RASGEF1C: variants seen among roughly 807,000 people sequenced by gnomAD.
RASGEF1C encodes ras-GEF domain-containing family member 1C.
Under a neutral mutation model 58.1 loss-of-function variants are expected in RASGEF1C, and 27 were observed. The ratio of observed to expected loss-of-function variants is 0.46; its 90% CI spans 0.34 to 0.64. RASGEF1C has a LOEUF of 0.64. Ranked by LOEUF, RASGEF1C falls within the 30% of genes least tolerant of loss-of-function variation. The pLI is 0.01. For missense variants in RASGEF1C, 502 were observed against 605.1 expected, an observed-to-expected ratio of 0.83 and a Z score of 1.79; for synonymous variants, 243 against 246.3, an observed-to-expected ratio of 0.99 and a Z score of 0.13.
chr5:180,131,673 C>T (rs1441203194), intron 4 of RASGEF1C, among the ~76,000 whole-genome samples: 1 of 152,196 alleles, frequency 6.6e-6, no homozygotes, highest in African/African-American at 2.4e-5. Flanking sequence ...GGATAAACAC[C>T]GCCTTCACCT....
At chr5:180,186,567 G>A (rs943224206) in intron 1 of RASGEF1C, among the ~76,000 whole-genome samples, 6 of 152,168 alleles carry the variant, frequency 3.9e-5, no homozygotes, top group African/African-American at 1.4e-4. Context: ...TGTGTTCATG[G>A]GTTCTAAGAT....
In RASGEF1C at chr5:180,203,523, C is replaced by T. The variant is rs116310262; in HGVS notation, c.-7+5505G>A. ...AACCACATGAGTGGAGAAGCAAATC[C>T]TTCCCTAGCTGAGTCTCTACATGAG... On this transcript the variant is annotated intron_variant, in intron 1 of 13. Transcript: ENST00000361132. Among the ~76,000 whole-genome samples, 578 of 152,332 alleles carry T rather than the reference C, an allele frequency of 3.8e-3. 2 individuals are homozygous for T. Among genetic ancestry groups the T allele is most frequent in the East Asian group, 9.1e-3 (47 of 5,186 alleles).
intron 1 of RASGEF1C, among the ~76,000 whole-genome samples, chr5:180,141,820 G>A (rs1025076951): frequency 1.5e-4 from 22 of 149,158 alleles, no homozygotes; most frequent in African/African-American, 5.2e-4. Context: ...AGGGATTCTC[G>A]TGCCTCAGCC....
intron 7 of RASGEF1C, among the ~76,000 whole-genome samples, chr5:180,119,858 G>A (rs957819529): frequency 2.6e-5 from 4 of 152,168 alleles, no homozygotes; most frequent in Non-Finnish European, 4.4e-5. Context: ...CCTGTCCCTC[G>A]AGCAGCCCCT....
At chr5:180,190,485 G>A (rs1166992117) in intron 1 of RASGEF1C, among the ~76,000 whole-genome samples, 8 of 59,518 alleles carry the variant, frequency 1.3e-4, no homozygotes, top group Middle Eastern at 0.011. Flanking sequence ...GTGAGACTCC[G>A]TCTCAAAAAA....
At chr5:180,111,639 G>T (rs541492315) in intron 11 of RASGEF1C, 59 bp from the exon 12 acceptor site, 68 of 1,601,326 alleles carry the variant, frequency 4.2e-5, no homozygotes, top group Middle Eastern at 1.7e-4. Context: ...GTCCCCATGA[G>T]GGGGAGGGGC....
At position 180,137,478 on chromosome 5, in the gene RASGEF1C, C is replaced by T; in HGVS notation, c.300+112G>A. 6.9e-7 allele frequency: 1 copy of T among 1,454,484 alleles called. No homozygotes were observed. Among genetic ancestry groups the T allele is most frequent in the Non-Finnish European group, 9.3e-7 (1 of 1,072,760 alleles). The allele number at this position is 1,454,484 out of a possible 1,614,324, so 90.1% of individuals were successfully genotyped here. Reference sequence around the variant, plus strand: ...CAAGGTGGAAACACCCGGTAGCCACCTTGTCAGGAAAACGGGGACAATCAT... The same window carrying T: ...CAAGGTGGAAACACCCGGTAGCCACTTTGTCAGGAAAACGGGGACAATCAT... On this transcript the variant is annotated intron_variant, in intron 3 of 13. Coordinates refer to ENST00000361132, the MANE Select transcript of RASGEF1C (RefSeq NM_175062.4). The surrounding 1 kb of genome is among the most constrained non-coding windows in gnomAD (Gnocchi z 4.1).
intron 1 of RASGEF1C, among the ~76,000 whole-genome samples, chr5:180,165,916 A>C (rs1445235673): frequency 6.6e-6 from 1 of 150,800 alleles, no homozygotes; most frequent in African/African-American, 2.4e-5. Flanking sequence ...CACCCGGCTC[A>C]TTTTTTGTAT....
rs555324991 is a variant in RASGEF1C, at chr5:180,166,041, G to A, written c.-6-27983C>T. On this transcript the variant is annotated intron_variant, in intron 1 of 13. Coordinates refer to ENST00000361132, the MANE Select transcript of RASGEF1C (RefSeq NM_175062.4). The stretch of plus-strand genomic sequence containing the variant: ...TGGGATTACAGGCGTGAGCCACCAC[G>A]CCCGGCCTAATTTTTTCATTTTTTG... Among the ~76,000 whole-genome samples, 6 of 152,046 alleles carry A rather than the reference G, an allele frequency of 3.9e-5. No homozygotes were observed. In the South Asian group the frequency reaches 1.0e-3, roughly 26 times the overall value.
chr5:180,111,763 G>A (rs1205081838), intron 11 of RASGEF1C, among the ~76,000 whole-genome samples, 183 bp from the exon 12 acceptor site: 4 of 152,138 alleles, frequency 2.6e-5, no homozygotes, highest in Non-Finnish European at 5.9e-5. Flanking sequence ...TGGAGCAAGA[G>A]TGGGCCTGGT....
At chr5:180,170,467 G>A (rs1175728770) in intron 1 of RASGEF1C, among the ~76,000 whole-genome samples, 1 of 152,192 alleles carries the variant, frequency 6.6e-6, no homozygotes, top group African/African-American at 2.4e-5. Flanking sequence ...AAGTTGTAGC[G>A]TCTCATTCAA....
chr5:180,117,541 C>A (rs1286718982), intron 10 of RASGEF1C, among the ~76,000 whole-genome samples: 6 of 152,202 alleles, frequency 3.9e-5, no homozygotes, highest in Admixed American at 6.5e-5. Flanking sequence ...TAGAGATGAA[C>A]AACTCTAATC....
At chr5:180,185,725 A>T (rs1756024046) in intron 1 of RASGEF1C, among the ~76,000 whole-genome samples, 1 of 152,224 alleles carries the variant, frequency 6.6e-6, no homozygotes, top group Non-Finnish European at 1.5e-5. Context: ...ACAAACTACC[A>T]AATCTCACAA....
At chr5:180,175,952 C>T (rs1458808335) in intron 1 of RASGEF1C, among the ~76,000 whole-genome samples, 2 of 152,232 alleles carry the variant, frequency 1.3e-5, no homozygotes, top group African/African-American at 4.8e-5. Flanking sequence ...CACGCCACTG[C>T]ACTCCAGCCT....
intron 1 of RASGEF1C, among the ~76,000 whole-genome samples, chr5:180,144,057 C>A (rs62406061): frequency 6.6e-6 from 1 of 152,048 alleles, no homozygotes; most frequent in Non-Finnish European, 1.5e-5. Flanking sequence ...GACTGGTGCA[C>A]GAAGTACCTC....
At chr5:180,159,490 C>T (rs1766903804) in intron 1 of RASGEF1C, among the ~76,000 whole-genome samples, 1 of 152,154 alleles carries the variant, frequency 6.6e-6, no homozygotes, top group Non-Finnish European at 1.5e-5. Flanking sequence ...CTTTTTGTTT[C>T]CTCCAATTTG....
intron 1 of RASGEF1C, among the ~76,000 whole-genome samples, chr5:180,190,360 G>C (rs1273015931): frequency 6.6e-6 from 1 of 151,666 alleles, no homozygotes; most frequent in East Asian, 1.9e-4. Context: ...CGTGGTGGCG[G>C]GCGCCTGTAG....
chr5:180,163,756 T>C (rs1766980234), intron 1 of RASGEF1C, among the ~76,000 whole-genome samples: 1 of 152,188 alleles, frequency 6.6e-6, no homozygotes, highest in Non-Finnish European at 1.5e-5. Flanking sequence ...TGTCTGGTTT[T>C]GATTTCAAAA....
chr5:180,207,203 G>A (rs919754806), intron 1 of RASGEF1C, among the ~76,000 whole-genome samples: 5 of 152,196 alleles, frequency 3.3e-5, no homozygotes, highest in Admixed American at 2.6e-4. Flanking sequence ...GCTTCGGTGT[G>A]GATGCAGTCA....
Sources: gnomAD v4.1 joint callset for allele counts (sites outside exome capture counted in the v4.1 genomes callset) on GRCh38, gnomAD v4.1.1 for gene constraint, Gnocchi (gnomAD v3.1) non-coding constraint, MANE v1.5 for transcripts, NCBI Gene and HGNC (gene_info 2026-07-23, HGNC 2026-07-21) for gene names.